Variants in LMBR1 observed in about 807,000 individuals in gnomAD.
LMBR1 encodes the protein limb region 1 protein homolog.
LMBR1 carries 52 observed loss-of-function variants against 73.9 expected under a neutral mutation model. The observed-to-expected ratio is 0.70, with a 90% CI of 0.56 to 0.89. The LOEUF (loss-of-function observed/expected upper bound fraction) is 0.89, where lower values mean the gene tolerates loss of function less well. Ranked by LOEUF, LMBR1 falls within the 40% of genes least tolerant of loss-of-function variation. The probability of loss-of-function intolerance (pLI) is 0.00; values close to 1 mark genes in which losing one functional copy is unlikely to be tolerated. For synonymous variants in LMBR1, 215 were observed against 209.4 expected (o/e 1.03, Z -0.23); for missense variants, 539 against 579.8 (o/e 0.93, Z 0.72).
Position 156,724,193 on chromosome 7 carries a change from G to A in LMBR1, c.1159-15C>T, listed in dbSNP as rs761073334. ...TTTCCAATGATCTGTTATGAGAAAC[G>A]AGAAAGAATATTGGGCAGTTAAACA... On this transcript the variant is annotated splice_polypyrimidine_tract_variant and intron_variant, in intron 14 of 16. Coordinates refer to ENST00000353442, the MANE Select transcript of LMBR1 (RefSeq NM_022458.4). 14 of 1,599,308 alleles carry A rather than the reference G, an allele frequency of 8.8e-6. No individual in the cohort carries two copies. In the East Asian group the frequency reaches 1.6e-4, roughly 18 times the overall value.
intron 15 of LMBR1, among the ~76,000 whole-genome samples, chr7:156,714,117 G>A (rs1304698560): frequency 6.6e-6 from 1 of 152,166 alleles, no homozygotes; most frequent in Admixed American, 6.5e-5. Flanking sequence ...AGTGAACTGG[G>A]AAGTGAGAGT....
chr7:156,815,156 C>CAAAAA (rs10674367), intron 4 of LMBR1, among the ~76,000 whole-genome samples: 3 of 84,316 alleles, frequency 3.6e-5, no homozygotes, highest in African/African-American at 1.4e-4. Context: ...AACTCCGTCT[C>CAAAAA]AAAAAAAAAA....
chr7:156,887,194 G>A (rs749907542), intron 1 of LMBR1, among the ~76,000 whole-genome samples: 16 of 152,132 alleles, frequency 1.1e-4, no homozygotes, highest in Admixed American at 3.9e-4. Context: ...GGCTGGGCGC[G>A]GTGGCTCACG....
intron 1 of LMBR1, chr7:156,892,551 G>C (rs1032536041): frequency 3.5e-5 from 6 of 170,604 alleles, no homozygotes; most frequent in Non-Finnish European, 7.5e-5. Flanking sequence ...CACCCGCCCA[G>C]AGAGGAAGCC....
At chr7:156,672,930 G>C (rs114200583), downstream of LMBR1, among the ~76,000 whole-genome samples, 179 of 152,346 alleles carry the variant, frequency 1.2e-3, no homozygotes, top group African/African-American at 4.0e-3. Flanking sequence ...ATGGGCCTCA[G>C]AATCACCTGG....
chr7:156,812,886 C>A (rs570109014), intron 4 of LMBR1, among the ~76,000 whole-genome samples: 1 of 152,174 alleles, frequency 6.6e-6, no homozygotes, highest in Non-Finnish European at 1.5e-5. Flanking sequence ...CTCAGCTCCA[C>A]CTGGGTTCCC....
chr7:156,840,754 T>A (rs1269358683), intron 1 of LMBR1, among the ~76,000 whole-genome samples: 2 of 150,450 alleles, frequency 1.3e-5, no homozygotes, highest in Non-Finnish European at 3.0e-5. Flanking sequence ...GGTCAGGAGA[T>A]CGAGACCATC....
chr7:156,826,748 GA>G lies in LMBR1; in HGVS notation c.180-5del. 1 of 1,598,492 alleles carries G rather than the reference GA, an allele frequency of 6.3e-7. No individual in the cohort carries two copies. The highest frequency in any genetic ancestry group is 8.5e-7 in the Non-Finnish European group (1 of 1,170,826). On this transcript the variant is annotated splice_polypyrimidine_tract_variant and splice_region_variant and intron_variant, in intron 3 of 16. Coordinates refer to ENST00000353442, the MANE Select transcript of LMBR1 (RefSeq NM_022458.4). The stretch of plus-strand genomic sequence containing the variant: ...AGTGAACGTGCTCAAAAACAACCTG[GA>G]AGAAAGGAGAGTCACCATCACAAGT...
intron 5 of LMBR1, among the ~76,000 whole-genome samples, chr7:156,778,472 T>C (rs1390415883): frequency 1.3e-5 from 2 of 152,220 alleles, no homozygotes; most frequent in Non-Finnish European, 2.9e-5. Context: ...ACAAAACCTG[T>C]CCAACTTAAA....
intron 8 of LMBR1, among the ~76,000 whole-genome samples, chr7:156,757,151 T>A (rs1008733838): frequency 2.0e-5 from 3 of 152,170 alleles, no homozygotes; most frequent in African/African-American, 7.2e-5. Flanking sequence ...GCCAAAAAGC[T>A]AACTACGGTA....
At chr7:156,749,721 G>A (rs1455677037) in intron 9 of LMBR1, among the ~76,000 whole-genome samples, 3 of 151,858 alleles carry the variant, frequency 2.0e-5, no homozygotes, top group South Asian at 2.1e-4. Context: ...ATGGAGTCTC[G>A]CTCTGTTGCC....
chr7:156,827,446 T>A (rs774576917), intron 3 of LMBR1, among the ~76,000 whole-genome samples: 2 of 152,066 alleles, frequency 1.3e-5, no homozygotes, highest in African/African-American at 2.4e-5. Context: ...CAAATGCATA[T>A]TTATACAGAG....
chr7:156,830,070 CT>C (rs1836410124), intron 3 of LMBR1, among the ~76,000 whole-genome samples: 1 of 152,144 alleles, frequency 6.6e-6, no homozygotes. Flanking sequence ...CCATCAGATC[CT>C]TTTTAATTGC....
chr7:156,686,299 T>C (rs1422464980), intron 16 of LMBR1, among the ~76,000 whole-genome samples: 2 of 152,170 alleles, frequency 1.3e-5, no homozygotes, highest in Non-Finnish European at 2.9e-5. Flanking sequence ...GCTAAATTTC[T>C]AGTGTTTACT....
chr7:156,734,316 T>TTTAATTAAACCTGTTAAC, intron 9 of LMBR1, 59 bp from the exon 10 acceptor site: 3 of 1,057,608 alleles, frequency 2.8e-6, no homozygotes, highest in African/African-American at 1.6e-5. Flanking sequence ...ATAGAACAGG[T>TTTAATTAAACCTGTTAAC]AGCCCTTTAA....
At chr7:156,803,404 C>T (rs1474374868) in intron 4 of LMBR1, among the ~76,000 whole-genome samples, 1 of 152,040 alleles carries the variant, frequency 6.6e-6, no homozygotes, top group Non-Finnish European at 1.5e-5. Flanking sequence ...TGAAAAAATG[C>T]TCATCATCAC....
At chr7:156,769,927 C>T (rs921567739) in intron 5 of LMBR1, among the ~76,000 whole-genome samples, 1 of 152,146 alleles carries the variant, frequency 6.6e-6, no homozygotes, top group Admixed American at 6.5e-5. Context: ...GCAGTCAAGA[C>T]CTCACAGTCT....
At chr7:156,820,599 T>C (rs764961445) in intron 4 of LMBR1, among the ~76,000 whole-genome samples, 2 of 152,158 alleles carry the variant, frequency 1.3e-5, no homozygotes, top group Non-Finnish European at 1.5e-5. Context: ...TCCAGTGTTG[T>C]AGGGTATATG....
chr7:156,886,188 A>G (rs1378310830), intron 1 of LMBR1, among the ~76,000 whole-genome samples: 6 of 152,216 alleles, frequency 3.9e-5, no homozygotes, highest in African/African-American at 1.4e-4. Flanking sequence ...TAATTTTGTA[A>G]AGAGTCACAG....
Sources: gnomAD v4.1 joint callset for allele counts (sites outside exome capture counted in the v4.1 genomes callset) on GRCh38, gnomAD v4.1.1 for gene constraint, MANE v1.5 for transcripts, NCBI Gene and HGNC (gene_info 2026-07-23, HGNC 2026-07-21) for gene names.